G2E3: variants seen among roughly 807,000 people sequenced by gnomAD.
G2E3 encodes the protein G2/M-phase specific E3 ubiquitin protein ligase.
In G2E3, 35 loss-of-function variants were observed where a neutral mutation model predicts 92.8. The observed-to-expected ratio is 0.38, with a 90% CI of 0.29 to 0.50. G2E3 has a LOEUF of 0.50. G2E3 is among the 20% of genes least tolerant of loss of function. G2E3 has a pLI of 0.94. For synonymous variants in G2E3, 242 were observed against 272.4 expected (o/e 0.89, Z 1.10); for missense variants, 554 against 823.8 (o/e 0.67, Z 4.01).
chr14:30,581,794 C>T (rs1880452152), intron 2 of G2E3, among the ~76,000 whole-genome samples: 1 of 152,116 alleles, frequency 6.6e-6, no homozygotes, highest in Admixed American at 6.6e-5. Flanking sequence ...CCGTTTTGAC[C>T]TTTGCTTTTA....
intron 1 of G2E3, among the ~76,000 whole-genome samples, chr14:30,563,604 A>G (rs1879245918): frequency 7.1e-6 from 1 of 141,392 alleles, no homozygotes; most frequent in South Asian, 2.6e-4. Context: ...AATGGGTGGT[A>G]GGGTGGGGTG....
Position 30,577,223 on chromosome 14 carries a change from C to CAAAAAA in G2E3, c.-4-3838_-4-3833dup, listed in dbSNP as rs59757142. ...CTAGCAACAGAGCAAGACTCTGTCT[C>CAAAAAA]AAAAAAAAAAAAAAAAAAAAGAAAA... On this transcript the variant is annotated intron_variant, in intron 1 of 14. Coordinates refer to ENST00000206595, the MANE Select transcript of G2E3 (RefSeq NM_017769.5). 3.1e-4 allele frequency among the ~76,000 whole-genome samples: 25 copies of CAAAAAA among 80,256 alleles called. 1 individual carries two copies. The highest frequency in any genetic ancestry group is 6.6e-3 in the Middle Eastern group (1 of 152). 52.7% of individuals were successfully genotyped at this position (80,256 alleles called of 152,430 possible). A position where few individuals can be genotyped will look rare whatever the true frequency, so the allele number is the denominator to read the frequency against.
chr14:30,591,826 C>T (rs575045540), intron 4 of G2E3, among the ~76,000 whole-genome samples: 46 of 152,242 alleles, frequency 3.0e-4, no homozygotes, highest in Non-Finnish European at 5.9e-4. Context: ...GGGACCTGAG[C>T]ATAACTTTTT....
chr14:30,586,146 C>G (rs1251697929), intron 2 of G2E3, among the ~76,000 whole-genome samples: 1 of 152,168 alleles, frequency 6.6e-6, no homozygotes, highest in African/African-American at 2.4e-5. Context: ...GAAAGGCAAG[C>G]ATCTGAGCTC....
At chr14:30,596,216 A>G (rs1353153307) in intron 6 of G2E3, among the ~76,000 whole-genome samples, 3 of 150,944 alleles carry the variant, frequency 2.0e-5, no homozygotes, top group African/African-American at 7.3e-5. Flanking sequence ...TTCTCTCTTC[A>G]CCATCCGTAA....
At chr14:30,592,235 C>T in intron 4 of G2E3, 88 bp from the exon 5 acceptor site, 1 of 1,142,656 alleles carries the variant, frequency 8.8e-7, no homozygotes, top group South Asian at 1.3e-5. Flanking sequence ...TTTCAGATTC[C>T]CCACCAGGAG....
intron 12 of G2E3, among the ~76,000 whole-genome samples, chr14:30,608,834 T>C (rs889530086): frequency 5.3e-5 from 8 of 152,226 alleles, no homozygotes; most frequent in African/African-American, 1.7e-4. Flanking sequence ...GCATAGGCCT[T>C]AGCCAGGCGT....
At chr14:30,571,635 A>G (rs1275885178) in intron 1 of G2E3, among the ~76,000 whole-genome samples, 1 of 151,992 alleles carries the variant, frequency 6.6e-6, no homozygotes, top group African/African-American at 2.4e-5. Flanking sequence ...CCTCCGCCCA[A>G]AGCATTCAGT....
chr14:30,610,234 T>C (rs953615856), intron 12 of G2E3, among the ~76,000 whole-genome samples: 13 of 152,200 alleles, frequency 8.5e-5, no homozygotes, highest in African/African-American at 2.9e-4. Context: ...GTATCTGCCT[T>C]CTTGGAATTT....
intron 1 of G2E3, among the ~76,000 whole-genome samples, chr14:30,566,895 A>G (rs937498449): frequency 8.5e-5 from 13 of 152,220 alleles, no homozygotes; most frequent in African/African-American, 2.9e-4. Flanking sequence ...ATCATCAATG[A>G]GTTGTATTTT....
intron 13 of G2E3, among the ~76,000 whole-genome samples, chr14:30,613,420 A>G (rs904339927): frequency 1.3e-5 from 2 of 152,214 alleles, no homozygotes; most frequent in African/African-American, 2.4e-5. Flanking sequence ...TTGGACCAGT[A>G]TAAGTCTCTT....
chr14:30,605,472 A>G, intron 10 of G2E3, 33 bp from the exon 11 acceptor site: 1 of 856,492 alleles, frequency 1.2e-6, no homozygotes. Context: ...ACTTTAAAGT[A>G]CTTATCTCTA....
At chr14:30,601,319 T>C (rs1463403193) in intron 8 of G2E3, among the ~76,000 whole-genome samples, 1 of 152,236 alleles carries the variant, frequency 6.6e-6, no homozygotes, top group Admixed American at 6.5e-5. Context: ...CAGGTAGATC[T>C]GGATTCTGTT....
intron 6 of G2E3, among the ~76,000 whole-genome samples, chr14:30,595,655 C>T (rs1246146823): frequency 1.3e-5 from 2 of 152,166 alleles, no homozygotes; most frequent in Non-Finnish European, 2.9e-5. Context: ...TTAGAGCATA[C>T]TAAGGATGGG....
At chr14:30,588,167 G>T (rs1880815184) in intron 3 of G2E3, among the ~76,000 whole-genome samples, 1 of 151,120 alleles carries the variant, frequency 6.6e-6, no homozygotes, top group Non-Finnish European at 1.5e-5. Context: ...ATGTTTTGCA[G>T]TAAAAAGAAA....
chr14:30,572,173 T>TA (rs1381911612), intron 1 of G2E3, among the ~76,000 whole-genome samples: 1 of 152,186 alleles, frequency 6.6e-6, no homozygotes, highest in Non-Finnish European at 1.5e-5. Context: ...TTCTTGCTGT[T>TA]ATACAGATTT....
chr14:30,604,102 G>A (rs1881708240), intron 10 of G2E3, among the ~76,000 whole-genome samples: 1 of 152,104 alleles, frequency 6.6e-6, no homozygotes, highest in South Asian at 2.1e-4. Context: ...GCTACACCAG[G>A]GAAGCTTGAC....
chr14:30,566,936 G>A (rs554031615), intron 1 of G2E3, among the ~76,000 whole-genome samples: 1 of 152,280 alleles, frequency 6.6e-6, no homozygotes, highest in South Asian at 2.1e-4. Context: ...CTATTGAGAT[G>A]AGCATGTGAC....
At chr14:30,569,763 C>T (rs1224047130) in intron 1 of G2E3, among the ~76,000 whole-genome samples, 1 of 152,098 alleles carries the variant, frequency 6.6e-6, no homozygotes, top group Non-Finnish European at 1.5e-5. Context: ...ATATTACTTA[C>T]TATCTGATAA....
Sources: gnomAD v4.1 joint callset for allele counts (sites outside exome capture counted in the v4.1 genomes callset) on GRCh38, gnomAD v4.1.1 for gene constraint, MANE v1.5 for transcripts, NCBI Gene and HGNC (gene_info 2026-07-23, HGNC 2026-07-21) for gene names.